PIEZO2: variants seen among roughly 807,000 people sequenced by gnomAD.
PIEZO2 encodes piezo type mechanosensitive ion channel component 2, also known as piezo-type mechanosensitive ion channel component 2.
In PIEZO2, 172 loss-of-function variants were observed where a neutral mutation model predicts 337.3. The observed-to-expected ratio is 0.51, with a 90% CI of 0.45 to 0.58. The LOEUF is 0.58. Ranked by LOEUF, PIEZO2 falls within the 20% of genes least tolerant of loss-of-function variation. PIEZO2 has a pLI of 0.00. For missense variants in PIEZO2, 3,028 were observed against 3,391.3 expected, an observed-to-expected ratio of 0.89 and a Z score of 2.66; for synonymous variants, 1,251 against 1,228.5, an observed-to-expected ratio of 1.02 and a Z score of -0.38.
chr18:11,097,607 T>C lies in PIEZO2; in HGVS notation c.65-31385A>G, dbSNP rs1245230797. Among the ~76,000 whole-genome samples, 3 of 152,236 alleles carry C rather than the reference T, an allele frequency of 2.0e-5. No homozygotes were observed. Among genetic ancestry groups the C allele is most frequent in the Non-Finnish European group, 4.4e-5 (3 of 68,034 alleles). On this transcript the variant is annotated intron_variant, in intron 1 of 55. Transcript: ENST00000674853. The surrounding 1 kb of genome is among the most constrained non-coding windows in gnomAD (Gnocchi z 5.0). ...GCCTAATCACCACCACCAAAACAAG[T>C]TGTCTTCACCTGGATGCTCCCCTTC...
chr18:10,715,239 CT>C (rs1182507013), intron 38 of PIEZO2, among the ~76,000 whole-genome samples: 5 of 152,184 alleles, frequency 3.3e-5, no homozygotes, highest in African/African-American at 1.2e-4. Flanking sequence ...GTATGTCCTA[CT>C]TTTTATTATA....
intron 37 of PIEZO2, among the ~76,000 whole-genome samples, chr18:10,717,537 T>C (rs1455798744): frequency 7.1e-6 from 1 of 140,790 alleles, no homozygotes; most frequent in Non-Finnish European, 1.5e-5. Flanking sequence ...AGAAATGGCA[T>C]GATTAGAGAG....
chr18:10,672,541 TGAAATAAAATG>T lies in PIEZO2; in HGVS notation c.8345+138_8345+148del. 1 of 862,462 alleles carries T rather than the reference TGAAATAAAATG, an allele frequency of 1.2e-6. No homozygotes were observed. The highest frequency in any genetic ancestry group is 1.9e-5 in the South Asian group (1 of 52,996). 53.4% of individuals were successfully genotyped at this position (862,462 alleles called of 1,614,324 possible). A position where few individuals can be genotyped will look rare whatever the true frequency, so the allele number is the denominator to read the frequency against. On this transcript the variant is annotated intron_variant, in intron 55 of 55. Coordinates refer to ENST00000674853, the MANE Select transcript of PIEZO2 (RefSeq NM_001378183.1). This position sits in a 1 kb window ranked among gnomAD's most constrained non-coding sequence, Gnocchi z 4.7. ...TTTGGGACTCTGGTGCCTCATTTTTTGAAATAAAATGCACACAAGGATGTGTGCATTTTAAT... is the reference window on the plus strand; with the variant it reads ...TTTGGGACTCTGGTGCCTCATTTTTTCACACAAGGATGTGTGCATTTTAAT...
chr18:10,833,335 T>C lies in PIEZO2; in HGVS notation c.917+22018A>G, dbSNP rs1342942767. Among the ~76,000 whole-genome samples, 1 of 152,116 alleles carries C rather than the reference T, an allele frequency of 6.6e-6. No homozygotes were observed. The highest frequency in any genetic ancestry group is 1.5e-5 in the Non-Finnish European group (1 of 68,004). ...ATTTTTCCTGTGTTCTCTTTTCTTC[T>C]GGTACTTCGGAGCCCACTGTGACAC... On this transcript the variant is annotated intron_variant, in intron 7 of 55. Transcript: ENST00000674853. This position sits in a 1 kb window ranked among gnomAD's most constrained non-coding sequence, Gnocchi z 4.7.
intron 3 of PIEZO2, among the ~76,000 whole-genome samples, chr18:10,955,367 C>T (rs1281660549): frequency 6.6e-6 from 1 of 152,134 alleles, no homozygotes; most frequent in Non-Finnish European, 1.5e-5. Flanking sequence ...GGCCTGTAGT[C>T]CTTGAATCTG....
In PIEZO2 at chr18:10,680,247, A is replaced by C. The variant is rs761857461; in HGVS notation, c.7904T>G (p.Leu2635Arg). The part of the protein sequence containing the change: ...PSKQKMIHEL[L>R]DPNSSFSVVF... ...AACAGAGAAGCTACTATTGGGGTCC[A>C]GGAGTTCGTGTATCATTTTCTGCTT... The change falls in exon 52 of 56, where the codon CTG becomes CGG. Residue 2635 changes from leucine to arginine, a missense_variant. By Grantham distance (102) the Leu-to-Arg change is moderately radical (BLOSUM62 -2). Transcript: ENST00000674853. The C allele has an allele frequency of 6.8e-6, 11 of 1,613,930 alleles. No homozygotes were observed. Among genetic ancestry groups the C allele is most frequent in the Non-Finnish European group, 9.3e-6 (11 of 1,179,934 alleles).
At position 10,737,285 on chromosome 18, in the gene PIEZO2, GA is replaced by G. The variant is rs372133058; in HGVS notation, c.4709-576del. Among the ~76,000 whole-genome samples, 127 of 64,196 alleles carry G rather than the reference GA, an allele frequency of 2.0e-3. 1 individual carries two copies. The highest frequency in any genetic ancestry group is 0.011 in the African/African-American group (82 of 7,516). The allele number at this position is 64,196 out of a possible 152,430, so 42.1% of individuals were successfully genotyped here. ...ACAAAACATACATGGCAAGACATTTGAAAAAAAAAAAACAAAAAAACACGCA... is the reference window on the plus strand; with the variant it reads ...ACAAAACATACATGGCAAGACATTTGAAAAAAAAAAACAAAAAAACACGCA... On this transcript the variant is annotated intron_variant, in intron 33 of 55. Coordinates refer to ENST00000674853, the MANE Select transcript of PIEZO2 (RefSeq NM_001378183.1).
rs535163380 is a variant in PIEZO2, at chr18:10,830,885, T to C, written c.918-23611A>G. 3.9e-4 allele frequency among the ~76,000 whole-genome samples: 60 copies of C among 152,308 alleles called. No individual in the cohort carries two copies. The highest frequency in any genetic ancestry group is 1.4e-3 in the African/African-American group (59 of 41,566). On this transcript the variant is annotated intron_variant, in intron 7 of 55. Coordinates refer to ENST00000674853, the MANE Select transcript of PIEZO2 (RefSeq NM_001378183.1). This position sits in a 1 kb window ranked among gnomAD's most constrained non-coding sequence, Gnocchi z 4.7. ...AATTTGGTCAAGATCTGAATAGACA[T>C]GTCTCAAAAGAAGACATACAAATGG...
chr18:10,715,888 G>A (rs972844028), intron 37 of PIEZO2, 72 bp from the exon 38 acceptor site: 38 of 1,264,514 alleles, frequency 3.0e-5, no homozygotes, highest in African/African-American at 2.4e-4. Context: ...GTAGCCCAGC[G>A]ATGTTTTACC....
intron 4 of PIEZO2, among the ~76,000 whole-genome samples, chr18:10,880,012 C>T (rs74838519): frequency 0.021 from 3,260 of 152,214 alleles, 116 homozygotes; most frequent in African/African-American, 0.073. Context: ...CCTATTTCAG[C>T]GCAGGGGAGA....
chr18:10,882,074 C>A (rs2042435902), intron 4 of PIEZO2, among the ~76,000 whole-genome samples: 1 of 152,176 alleles, frequency 6.6e-6, no homozygotes, highest in Non-Finnish European at 1.5e-5. Flanking sequence ...TGTGTGCCTT[C>A]TTAACTTGTT....
chr18:11,042,663 TGAGAG>T (rs2037166297), intron 2 of PIEZO2, among the ~76,000 whole-genome samples: 1 of 152,206 alleles, frequency 6.6e-6, no homozygotes, highest in African/African-American at 2.4e-5. Flanking sequence ...TCTCAGTGCC[TGAGAG>T]GAGGCTACCC....
At chr18:10,845,084 C>T (rs1265453232) in intron 7 of PIEZO2, among the ~76,000 whole-genome samples, 1 of 151,940 alleles carries the variant, frequency 6.6e-6, no homozygotes, top group African/African-American at 2.4e-5. Context: ...TTAACAAATA[C>T]CTCTTTATAG....
rs925010412 is a variant in PIEZO2 at position 10,942,378 on chromosome 18, A to C, written c.287-31150T>G. ...CAAAATGCTGATAATGATATGAGCA[A>C]TGAAATCCAGGCTGAGGTGGTCTCA... On this transcript the variant is annotated intron_variant, in intron 3 of 55. Transcript: ENST00000674853. This position sits in a 1 kb window ranked among gnomAD's most constrained non-coding sequence, Gnocchi z 4.4. Among the ~76,000 whole-genome samples, 2 of 152,220 alleles carry C rather than the reference A, an allele frequency of 1.3e-5. No homozygotes were observed. Among genetic ancestry groups the C allele is most frequent in the Non-Finnish European group, 2.9e-5 (2 of 68,034 alleles).
intron 1 of PIEZO2, among the ~76,000 whole-genome samples, chr18:11,068,019 T>C (rs1176652070): frequency 2.0e-5 from 3 of 152,186 alleles, no homozygotes; most frequent in Non-Finnish European, 4.4e-5. Context: ...CCTCCCAGGT[T>C]CACGCCATTT....
rs2040711728 is a variant in PIEZO2, at chr18:11,143,390, A to T, written c.64+5135T>A. On this transcript the variant is annotated intron_variant, in intron 1 of 55. Transcript: ENST00000674853. This position sits in a 1 kb window ranked among gnomAD's most constrained non-coding sequence, Gnocchi z 4.9. ...AGTAGCACAAGAACCCAAAAGGAAA[A>T]TGACATGTTAGAAATAAAATCACAT... 2.0e-5 allele frequency among the ~76,000 whole-genome samples: 3 copies of T among 152,362 alleles called. No homozygotes were observed. The highest frequency in any genetic ancestry group is 2.9e-5 in the Non-Finnish European group (2 of 68,042).
intron 2 of PIEZO2, among the ~76,000 whole-genome samples, chr18:11,055,695 T>C (rs543232179): frequency 3.3e-5 from 5 of 152,380 alleles, no homozygotes; most frequent in African/African-American, 9.6e-5. Context: ...CTAATAACCC[T>C]GAGGGATTTG....
intron 1 of PIEZO2, among the ~76,000 whole-genome samples, chr18:11,091,392 AAAAAAAAG>A (rs1286017547): frequency 1.9e-4 from 24 of 123,352 alleles, no homozygotes; most frequent in Non-Finnish European, 3.6e-4. Flanking sequence ...TCAAAAAAAA[AAAAAAAAG>A]AAAAAAAGAA....
chr18:11,041,784 G>A (rs1418894113), intron 2 of PIEZO2, among the ~76,000 whole-genome samples: 1 of 152,192 alleles, frequency 6.6e-6, no homozygotes, highest in East Asian at 1.9e-4. Flanking sequence ...AACCCAACAA[G>A]GAACCTACTT....
Sources: gnomAD v4.1 joint callset for allele counts (sites outside exome capture counted in the v4.1 genomes callset) on GRCh38, gnomAD v4.1.1 for gene constraint, Gnocchi (gnomAD v3.1) non-coding constraint, MANE v1.5 for transcripts, NCBI Gene and HGNC (gene_info 2026-07-23, HGNC 2026-07-21) for gene names.